Variants in RGSL1 observed in about 807,000 individuals in gnomAD.
RGSL1 encodes the protein regulator of G protein signaling protein-like.
In RGSL1, 97 loss-of-function variants were observed where a neutral mutation model predicts 124.7. That is an observed-to-expected ratio of 0.78 (90% CI 0.66 to 0.92). RGSL1 has a LOEUF of 0.92. Ranked by LOEUF, RGSL1 falls within the 40% of genes least tolerant of loss-of-function variation. The probability of loss-of-function intolerance (pLI) is 0.00; values close to 1 mark genes in which losing one functional copy is unlikely to be tolerated. For missense variants in RGSL1, 1,233 were observed against 1,288.4 expected, an observed-to-expected ratio of 0.96 and a Z score of 0.66; for synonymous variants, 424 against 438.1, an observed-to-expected ratio of 0.97 and a Z score of 0.40.
At chr1:182,454,545 G>A (rs964869486) in intron 2 of RGSL1, among the ~76,000 whole-genome samples, 5 of 151,648 alleles carry the variant, frequency 3.3e-5, no homozygotes, top group Admixed American at 6.6e-5. Context: ...GAACTTCTCT[G>A]CTTCTGAGCC....
Position 182,503,571 on chromosome 1 carries a change from G to A in RGSL1, c.1825+10442G>A, listed in dbSNP as rs199785786. Among the ~76,000 whole-genome samples the A allele has an allele frequency of 4.1e-4, 57 of 137,612 alleles. No individual in the cohort carries two copies. In the East Asian group the frequency reaches 0.012, roughly 29 times the overall value. The allele number at this position is 137,612 out of a possible 152,430, so 90.3% of individuals were successfully genotyped here. Reference sequence around the variant, plus strand: ...AGAGAGTAGAAGGATGGTTACCAGCGGCTAGGAAGGGTAATTGTGGGGTGG... The same window carrying A: ...AGAGAGTAGAAGGATGGTTACCAGCAGCTAGGAAGGGTAATTGTGGGGTGG... On this transcript the variant is annotated intron_variant, in intron 9 of 21. Transcript: ENST00000294854.
chr1:182,486,546 C>G (rs1357568355), intron 6 of RGSL1, among the ~76,000 whole-genome samples: 1 of 151,984 alleles, frequency 6.6e-6, no homozygotes, highest in African/African-American at 2.4e-5. Flanking sequence ...TGGGGTTTCA[C>G]CATGTTGCCC....
intron 9 of RGSL1, among the ~76,000 whole-genome samples, chr1:182,495,757 T>C (rs938018916): frequency 6.6e-6 from 1 of 152,176 alleles, no homozygotes; most frequent in South Asian, 2.1e-4. Context: ...TGTCAGCTGG[T>C]CATCAATGTG....
chr1:182,556,159 C>T lies in RGSL1; in HGVS notation c.*102C>T. 8.4e-7 allele frequency: 1 copy of T among 1,186,948 alleles called. No homozygotes were observed. Among genetic ancestry groups the T allele is most frequent in the Non-Finnish European group, 1.2e-6 (1 of 839,850 alleles). 73.5% of individuals were successfully genotyped at this position (1,186,948 alleles called of 1,614,324 possible). ...ATGAAAGGTCCTGGTACCATCTTCC[C>T]CAGAAACGATCAAGAAGGGCAATGG... On this transcript the variant is annotated 3_prime_UTR_variant, in exon 21 of 22. Transcript: ENST00000294854.
chr1:182,480,168 T>G (rs1324994936), intron 6 of RGSL1, among the ~76,000 whole-genome samples: 1 of 152,194 alleles, frequency 6.6e-6, no homozygotes, highest in Non-Finnish European at 1.5e-5. Flanking sequence ...CAGAACTTTC[T>G]ACTCAACAGC....
chr1:182,449,166 G>A (rs1002661400), upstream of RGSL1: 7 of 152,100 alleles, frequency 4.6e-5, no homozygotes, highest in Admixed American at 4.6e-4. Context: ...GAAGAAGTAT[G>A]GTAAGCTACA....
In RGSL1 at chr1:182,527,661, T is replaced by C. The variant is rs542029906; in HGVS notation, c.2014T>C (p.Leu672=). The C allele has an allele frequency of 7.1e-6, 11 of 1,551,656 alleles. No individual in the cohort carries two copies. Among genetic ancestry groups the C allele is most frequent in the Admixed American group, 2.0e-5 (1 of 51,002 alleles). The change falls in exon 11 of 22, where the codon TTG becomes CTG. Residue 672 remains leucine, a synonymous_variant. Coordinates refer to ENST00000294854, the MANE Select transcript of RGSL1 (RefSeq NM_001137669.2). ...FLKERKAKIP[L]QFLTAVQKIS... is the part of the protein sequence containing the mutation. Reference sequence around the variant, plus strand: ...CAAGGAACGGAAGGCTAAAATCCCATTGCAATTTCTCACAGCTGTACAGAA... The same window carrying C: ...CAAGGAACGGAAGGCTAAAATCCCACTGCAATTTCTCACAGCTGTACAGAA...
chr1:182,465,587 T>A (rs1437254529), intron 4 of RGSL1, among the ~76,000 whole-genome samples: 1 of 151,996 alleles, frequency 6.6e-6, no homozygotes, highest in Non-Finnish European at 1.5e-5. Flanking sequence ...ATTGTGCACA[T>A]GTACCCTAGA....
intron 11 of RGSL1, among the ~76,000 whole-genome samples, chr1:182,529,358 A>G (rs1658997331): frequency 6.6e-6 from 1 of 152,206 alleles, no homozygotes. Context: ...AGTTAGATAC[A>G]AAAACCAAGA....
chr1:182,487,468 T>A (rs188133815), intron 6 of RGSL1, among the ~76,000 whole-genome samples: 4 of 152,204 alleles, frequency 2.6e-5, no homozygotes, highest in Non-Finnish European at 4.4e-5. Flanking sequence ...CCTATCCCGA[T>A]GCCTTTGCTT....
At chr1:182,496,027 G>T (rs190540154) in intron 9 of RGSL1, among the ~76,000 whole-genome samples, 1 of 152,120 alleles carries the variant, frequency 6.6e-6, no homozygotes, top group Non-Finnish European at 1.5e-5. Flanking sequence ...AATTTATAAA[G>T]AAAAGATATT....
rs559209263 is a variant in RGSL1 at position 182,537,156 on chromosome 1, T to A, written c.2495-3091T>A. ...ATCCAAAATCTGAAATCCTCCAAATTCCAAAACTTTCTGAGTACTGATATG... is the reference window on the plus strand; with the variant it reads ...ATCCAAAATCTGAAATCCTCCAAATACCAAAACTTTCTGAGTACTGATATG... On this transcript the variant is annotated intron_variant, in intron 14 of 21. Coordinates refer to ENST00000294854, the MANE Select transcript of RGSL1 (RefSeq NM_001137669.2). Among the ~76,000 whole-genome samples, 3 of 152,122 alleles carry A rather than the reference T, an allele frequency of 2.0e-5. 1 individual carries two copies. The South Asian group carries it at 6.2e-4, about 32-fold the overall frequency.
At chr1:182,461,454 A>G (rs1189580665) in intron 4 of RGSL1, among the ~76,000 whole-genome samples, 1 of 152,150 alleles carries the variant, frequency 6.6e-6, no homozygotes, top group Non-Finnish European at 1.5e-5. Flanking sequence ...AAAAAAAATC[A>G]GAAGGCACAC....
At chr1:182,529,721 A>C (rs898113805) in intron 11 of RGSL1, among the ~76,000 whole-genome samples, 2 of 152,206 alleles carry the variant, frequency 1.3e-5, no homozygotes, top group South Asian at 2.1e-4. Context: ...TATTTGTTGA[A>C]TCTCAGGATG....
At chr1:182,513,277 C>A (rs1657602166) in intron 9 of RGSL1, among the ~76,000 whole-genome samples, 1 of 152,204 alleles carries the variant, frequency 6.6e-6, no homozygotes. Flanking sequence ...AGATTCCTCC[C>A]CAATCTACCT....
At chr1:182,522,713 A>C (rs1230476621) in intron 10 of RGSL1, among the ~76,000 whole-genome samples, 2 of 152,064 alleles carry the variant, frequency 1.3e-5, no homozygotes, top group African/African-American at 4.8e-5. Flanking sequence ...GTTTGCTATA[A>C]CTTCCTTCTC....
intron 10 of RGSL1, among the ~76,000 whole-genome samples, chr1:182,524,780 A>G (rs1007245278): frequency 1.8e-4 from 27 of 152,218 alleles, no homozygotes; most frequent in Admixed American, 1.6e-3. Context: ...CTTGTGGCCA[A>G]AAAATTGGGA....
chr1:182,505,663 T>A (rs1047808213), intron 9 of RGSL1, among the ~76,000 whole-genome samples: 2 of 152,200 alleles, frequency 1.3e-5, no homozygotes, highest in African/African-American at 4.8e-5. Flanking sequence ...ATTCATTAAT[T>A]TGTATTTAAA....
chr1:182,464,335 C>T (rs1571485392), intron 4 of RGSL1, among the ~76,000 whole-genome samples: 1 of 152,252 alleles, frequency 6.6e-6, no homozygotes, highest in Admixed American at 6.5e-5. Context: ...ATAAAGATTA[C>T]AGTAAATAAC....
Sources: allele counts gnomAD v4.1 joint callset (sites outside exome capture counted in the v4.1 genomes callset), GRCh38; gene constraint gnomAD v4.1.1; transcripts MANE v1.5; gene names NCBI Gene and HGNC (gene_info 2026-07-23, HGNC 2026-07-21).